TP63: variants seen among roughly 807,000 people sequenced by gnomAD.
The protein encoded by TP63 is tumor protein p63, also known as tumor protein 63.
In TP63, 17 loss-of-function variants were observed where a neutral mutation model predicts 82.8. That is an observed-to-expected ratio of 0.21 (90% CI 0.14 to 0.31). TP63 has a LOEUF of 0.31. Among genes scored for constraint, TP63 ranks in the 10% least tolerant of loss-of-function variants. The pLI, the probability that TP63 is intolerant of heterozygous loss-of-function variation, is 1.00. For missense variants in TP63, 648 were observed against 895.3 expected (o/e 0.72, Z 3.52); for synonymous variants, 330 against 321.7 (o/e 1.03, Z -0.28).
At chr3:189,625,294 A>G in the TP63 span, among the ~76,000 whole-genome samples, 1 of 152,214 alleles carries the variant, frequency 6.6e-6, no homozygotes, top group African/African-American at 2.4e-5. Context: ...GATATGATGC[A>G]CTGAGATGGA....
intron 4 of TP63, among the ~76,000 whole-genome samples, chr3:189,858,827 T>C (rs1716643888): frequency 6.6e-6 from 1 of 152,104 alleles, no homozygotes; most frequent in African/African-American, 2.4e-5. Flanking sequence ...ACAACATGGA[T>C]AAATCTGAGG....
chr3:189,868,523 G>C, intron 7 of TP63, 57 bp from the exon 8 acceptor site: 2 of 1,605,110 alleles, frequency 1.2e-6, no homozygotes. Context: ...AGATCTTCAG[G>C]GGACTTTCAA....
chr3:189,637,014 G>A lies in TP63; in HGVS notation c.62+5437G>A, dbSNP rs560702861. 4.6e-5 allele frequency among the ~76,000 whole-genome samples: 7 copies of A among 152,132 alleles called. No individual in the cohort carries two copies. In the East Asian group the frequency reaches 1.4e-3, roughly 30 times the overall value. Reference sequence around the variant, plus strand: ...CTGCTTATTCCAGTTCAGGGTCTCAGGGCCAGAGCCTATCTCAGCAGCTCA... The same window carrying A: ...CTGCTTATTCCAGTTCAGGGTCTCAAGGCCAGAGCCTATCTCAGCAGCTCA... On this transcript the variant is annotated intron_variant, in intron 1 of 13. Coordinates refer to ENST00000264731, the MANE Select transcript of TP63 (RefSeq NM_003722.5).
chr3:189,682,582 A>G (rs1716072835), intron 1 of TP63, among the ~76,000 whole-genome samples: 1 of 120,284 alleles, frequency 8.3e-6, no homozygotes, highest in Admixed American at 8.8e-5. Context: ...ATATATATAT[A>G]TATATATATA....
intron 3 of TP63, among the ~76,000 whole-genome samples, chr3:189,745,970 C>A (rs1721344916): frequency 6.6e-6 from 1 of 151,610 alleles, no homozygotes; most frequent in Non-Finnish European, 1.5e-5. Flanking sequence ...GTTTCCAAAT[C>A]AAATAAAAGG....
intron 1 of TP63, among the ~76,000 whole-genome samples, chr3:189,657,253 C>G (rs1577188057): frequency 6.6e-6 from 1 of 152,112 alleles, no homozygotes; most frequent in East Asian, 1.9e-4. Context: ...CTGTATAATA[C>G]TGCAGTGATG....
chr3:189,686,437 G>A (rs1716445310), intron 1 of TP63, among the ~76,000 whole-genome samples: 1 of 152,034 alleles, frequency 6.6e-6, no homozygotes, highest in Non-Finnish European at 1.5e-5. Flanking sequence ...TGGCATCACA[G>A]GATGTCTCCA....
intron 1 of TP63, among the ~76,000 whole-genome samples, chr3:189,725,505 TA>T (rs1435570687): frequency 6.6e-6 from 1 of 152,210 alleles, no homozygotes; most frequent in African/African-American, 2.4e-5. Flanking sequence ...CCCGTTGTGA[TA>T]AAGTACATTT....
At chr3:189,720,293 C>A (rs1339487616) in intron 1 of TP63, among the ~76,000 whole-genome samples, 1 of 152,116 alleles carries the variant, frequency 6.6e-6, no homozygotes, top group Non-Finnish European at 1.5e-5. Flanking sequence ...GTGAACACTC[C>A]TGATTTTAAA....
At chr3:189,764,072 G>T (rs1270613641) in intron 3 of TP63, among the ~76,000 whole-genome samples, 1 of 152,168 alleles carries the variant, frequency 6.6e-6, no homozygotes, top group Non-Finnish European at 1.5e-5. Flanking sequence ...GCATGCATAT[G>T]ACCTCAAACT....
At chr3:189,814,183 C>T (rs1043825175) in intron 4 of TP63, among the ~76,000 whole-genome samples, 12 of 152,222 alleles carry the variant, frequency 7.9e-5, no homozygotes, top group African/African-American at 2.9e-4. Context: ...TAGAAAAAGG[C>T]TGCCAGCTCT....
At chr3:189,888,159 C>T (rs1343874449) in intron 11 of TP63, among the ~76,000 whole-genome samples, 1 of 151,904 alleles carries the variant, frequency 6.6e-6, no homozygotes, top group African/African-American at 2.4e-5. Flanking sequence ...CGCCTGGCCA[C>T]ACATTCATAT....
At chr3:189,599,708 A>C in the TP63 span, among the ~76,000 whole-genome samples, 1 of 152,160 alleles carries the variant, frequency 6.6e-6, no homozygotes, top group Non-Finnish European at 1.5e-5. Context: ...TTAGTAACCC[A>C]TATTTTTTTC....
chr3:189,782,753 T>C (rs954857122), intron 3 of TP63, among the ~76,000 whole-genome samples: 2 of 152,144 alleles, frequency 1.3e-5, no homozygotes, highest in African/African-American at 4.8e-5. Flanking sequence ...CTTTCCAAAG[T>C]AGACCAGTCA....
intron 10 of TP63, among the ~76,000 whole-genome samples, chr3:189,884,993 A>T (rs572301475): frequency 1.3e-5 from 2 of 152,220 alleles, no homozygotes; most frequent in Non-Finnish European, 2.9e-5. Context: ...ATTATGCCAT[A>T]TAGGCTTGGA....
intron 1 of TP63, among the ~76,000 whole-genome samples, chr3:189,730,616 G>A (rs1175097609): frequency 6.6e-6 from 1 of 152,198 alleles, no homozygotes; most frequent in Non-Finnish European, 1.5e-5. Context: ...AGATCATCAT[G>A]TATAAATGCT....
intron 3 of TP63, among the ~76,000 whole-genome samples, chr3:189,758,155 T>G (rs1325372657): frequency 6.6e-6 from 1 of 152,186 alleles, no homozygotes; most frequent in East Asian, 1.9e-4. Flanking sequence ...AGGTATTAGT[T>G]AGATTCTCAT....
rs144018872 is a variant in TP63, at chr3:189,894,973, A to T, written c.*471A>T. The T allele has an allele frequency of 2.2e-4, 49 of 222,152 alleles. 1 individual carries two copies. The East Asian group carries it at 3.4e-3, about 15-fold the overall frequency. The allele number at this position is 222,152 out of a possible 1,614,324, so 13.8% of individuals were successfully genotyped here. On this transcript the variant is annotated 3_prime_UTR_variant, in exon 14 of 14. Transcript: ENST00000264731. ...TTTACTTGTTTTGGATGGCTTGTCT[A>T]TACTCCTTCCCTTAAGGGGTATCAT...
chr3:189,709,888 C>T lies in TP63; in HGVS notation c.63-27852C>T, dbSNP rs562042683. Among the ~76,000 whole-genome samples the T allele has an allele frequency of 1.6e-4, 25 of 152,186 alleles. 1 individual carries two copies. The South Asian group carries it at 5.2e-3, about 32-fold the overall frequency. On this transcript the variant is annotated intron_variant, in intron 1 of 13. Transcript: ENST00000264731. The stretch of plus-strand genomic sequence containing the variant: ...TAACCTTTGCTCACTTTTTCTCCAT[C>T]CATAAGATGGACATGCATTACCTTG...
Sources: allele counts gnomAD v4.1 joint callset (sites outside exome capture counted in the v4.1 genomes callset), GRCh38; gene constraint gnomAD v4.1.1; transcripts MANE v1.5; gene names NCBI Gene and HGNC (gene_info 2026-07-23, HGNC 2026-07-21).